The following MAP3K7CL variants were observed in gnomAD, a reference collection of about 807,000 sequenced individuals.
MAP3K7CL encodes the protein MAP3K7 C-terminal-like protein.
In MAP3K7CL, 16 loss-of-function variants were observed where a neutral mutation model predicts 18.6. That is an observed-to-expected ratio of 0.86 (90% CI 0.58 to 1.31). The LOEUF (loss-of-function observed/expected upper bound fraction) is 1.31, where lower values mean the gene tolerates loss of function less well. Among genes scored for constraint, MAP3K7CL ranks in the 50% most tolerant of loss-of-function variants. The pLI is 0.00. For synonymous variants in MAP3K7CL, 65 were observed against 66.8 expected (o/e 0.97, Z 0.13); for missense variants, 163 against 174.4 (o/e 0.93, Z 0.37).
Position 29,175,150 on chromosome 21 carries a change from C to A in MAP3K7CL, c.*258C>A, listed in dbSNP as rs535075681. ...CTTTTCCAAAGATATATGTTTTTTT[C>A]TTTTTTAGGAAGATATGATCATGCT... On this transcript the variant is annotated 3_prime_UTR_variant, in exon 5 of 5. Transcript: ENST00000399928. The A allele has an allele frequency of 3.5e-4, 107 of 310,098 alleles. 1 individual carries two copies. The South Asian group carries it at 5.8e-3, about 17-fold the overall frequency. The allele number at this position is 310,098 out of a possible 1,614,324, so 19.2% of individuals were successfully genotyped here.
At chr21:29,095,571 A>G (rs2086108180) in intron 4 of MAP3K7CL, among the ~76,000 whole-genome samples, 1 of 152,232 alleles carries the variant, frequency 6.6e-6, no homozygotes, top group African/African-American at 2.4e-5. Context: ...CTGATTCCTC[A>G]AAAGCCAGTA....
chr21:29,089,168 C>CAAAAAAAA lies in MAP3K7CL; in HGVS notation c.58-2307_58-2300dup, dbSNP rs748166183. Among the ~76,000 whole-genome samples the CAAAAAAAA allele has an allele frequency of 4.6e-3, 316 of 68,492 alleles. 33 individuals carry two copies. Among genetic ancestry groups the CAAAAAAAA allele is most frequent in the Middle Eastern group, 0.012 (1 of 82 alleles). 44.9% of individuals were successfully genotyped at this position (68,492 alleles called of 152,430 possible). Reference sequence around the variant, plus strand: ...CTGGTGACAGAGCGAGACTCCGTCTCAAAAAAAAAAAAAAAAAAAAAAAAA... The same window carrying CAAAAAAAA: ...CTGGTGACAGAGCGAGACTCCGTCTCAAAAAAAAAAAAAAAAAAAAAAAAAAAAAAAAA... On this transcript the variant is annotated intron_variant, in intron 1 of 6. Transcript: ENST00000286791.
intron 2 of MAP3K7CL, among the ~76,000 whole-genome samples, chr21:29,135,068 AAC>A: frequency 2.6e-5 from 4 of 151,642 alleles, no homozygotes; most frequent in Admixed American, 1.3e-4. Context: ...AAACAAAAAA[AAC>A]AAAAAACAAA....
intron 4 of MAP3K7CL, chr21:29,122,228 G>C (rs1316555364): frequency 6.6e-6 from 1 of 152,236 alleles, no homozygotes; most frequent in African/African-American, 2.4e-5. Flanking sequence ...GTGGGTGCGG[G>C]GGCCAGGATG....
intron 4 of MAP3K7CL, among the ~76,000 whole-genome samples, chr21:29,112,632 A>AT (rs1056707043): frequency 1.3e-5 from 2 of 150,742 alleles, no homozygotes; most frequent in Admixed American, 6.6e-5. Flanking sequence ...TAATTAGTAT[A>AT]TTTTTTCATT....
upstream of MAP3K7CL, among the ~76,000 whole-genome samples, chr21:29,083,130 T>A (rs2085864404): frequency 6.6e-6 from 1 of 152,214 alleles, no homozygotes; most frequent in Non-Finnish European, 1.5e-5. Context: ...GGTACTTGGG[T>A]GTTTTGCCTT....
exon 4 of MAP3K7CL, chr21:29,092,522 T>A (rs774727204): frequency 2.8e-5 from 45 of 1,614,116 alleles, no homozygotes; most frequent in Non-Finnish European, 3.7e-5. Context: ...GGCGATTGGA[T>A]GCTCACTCTG....
chr21:29,090,193 C>T (rs532655488), intron 1 of MAP3K7CL, among the ~76,000 whole-genome samples: 3 of 152,192 alleles, frequency 2.0e-5, no homozygotes, highest in African/African-American at 7.2e-5. Flanking sequence ...GTGCACTTTC[C>T]TTATTTTTAT....
chr21:29,081,166 T>C (rs1168274448), upstream of MAP3K7CL, among the ~76,000 whole-genome samples: 1 of 152,174 alleles, frequency 6.6e-6, no homozygotes, highest in Non-Finnish European at 1.5e-5. Flanking sequence ...CTCTCCTTAG[T>C]ACATGCAGGG....
chr21:29,165,623 G>A (rs1416979361), intron 4 of MAP3K7CL, among the ~76,000 whole-genome samples: 1 of 152,178 alleles, frequency 6.6e-6, no homozygotes, highest in Non-Finnish European at 1.5e-5. Flanking sequence ...CCAGGCTGCA[G>A]TGCAGCAGTG....
intron 4 of MAP3K7CL, among the ~76,000 whole-genome samples, chr21:29,163,693 C>CTTT (rs397866386): frequency 5.3e-4 from 67 of 125,984 alleles, no homozygotes; most frequent in African/African-American, 1.8e-3. Flanking sequence ...CCCTTTCTTC[C>CTTT]TTTTTTTTTT....
Position 29,159,991 on chromosome 21 carries a change from G to A in MAP3K7CL, c.183G>A (p.Gln61=). The A allele has an allele frequency of 6.2e-7, 1 of 1,614,108 alleles. No homozygotes were observed. Among genetic ancestry groups the A allele is most frequent in the Non-Finnish European group, 8.5e-7 (1 of 1,179,956 alleles). ...DSEESMEVFK[Q]HCQIAEEYHE... ...AGGAATCCATGGAGGTGTTCAAACA[G>A]CACTGCCAAATAGCAGAAGAATACC... The change falls in exon 4 of 5, where the codon CAG becomes CAA. Residue 61 remains glutamine (Q), a synonymous_variant. Transcript: ENST00000399928.
At chr21:29,135,459 C>T (rs898201989) in intron 2 of MAP3K7CL, among the ~76,000 whole-genome samples, 11 of 152,150 alleles carry the variant, frequency 7.2e-5, no homozygotes, top group Non-Finnish European at 1.5e-4. Flanking sequence ...AAGAAAATTT[C>T]AGTATATAAA....
intron 1 of MAP3K7CL, among the ~76,000 whole-genome samples, chr21:29,078,800 C>T (rs1355769796): frequency 6.6e-6 from 1 of 152,142 alleles, no homozygotes; most frequent in Non-Finnish European, 1.5e-5. Flanking sequence ...TGAGGGGAGA[C>T]TCGGCCTACG....
chr21:29,079,082 G>A (rs1349226368), intron 1 of MAP3K7CL, among the ~76,000 whole-genome samples: 2 of 152,208 alleles, frequency 1.3e-5, no homozygotes, highest in Admixed American at 6.5e-5. Flanking sequence ...CAGCTCGGTG[G>A]TTTTGTGTTC....
chr21:29,156,741 C>A (rs1437843308), intron 3 of MAP3K7CL, among the ~76,000 whole-genome samples: 1 of 152,124 alleles, frequency 6.6e-6, no homozygotes, highest in African/African-American at 2.4e-5. Context: ...AGGTATAAAA[C>A]CTGAATATCT....
chr21:29,153,930 C>T (rs990584136), intron 3 of MAP3K7CL, among the ~76,000 whole-genome samples: 1 of 152,158 alleles, frequency 6.6e-6, no homozygotes, highest in Admixed American at 6.5e-5. Context: ...TATGCTATAA[C>T]GTGGTCTTAA....
rs147645482 is a variant in MAP3K7CL at position 29,160,071 on chromosome 21, C to T, written c.248+15C>T. 438 of 1,596,514 alleles carry T rather than the reference C, an allele frequency of 2.7e-4. No individual in the cohort carries two copies. The highest frequency in any genetic ancestry group is 3.5e-4 in the Admixed American group (21 of 59,942). On this transcript the variant is annotated intron_variant, in intron 4 of 4. Transcript: ENST00000399928. ...GAGCAAAGGAAGTAAGTACCTACCC[C>T]CCTCACTCTACATCTGAGCACTGCC...
chr21:29,153,944 C>A (rs1446563954), intron 3 of MAP3K7CL, among the ~76,000 whole-genome samples: 2 of 152,134 alleles, frequency 1.3e-5, no homozygotes, highest in South Asian at 2.1e-4. Flanking sequence ...GTCTTAACTT[C>A]ATTGGAATGA....
Sources: allele counts gnomAD v4.1 joint callset (sites outside exome capture counted in the v4.1 genomes callset), GRCh38; gene constraint gnomAD v4.1.1; transcripts MANE v1.5; gene names NCBI Gene and HGNC (gene_info 2026-07-23, HGNC 2026-07-21).